Variants in ZBTB38 observed in about 807,000 individuals in gnomAD.
The protein encoded by ZBTB38 is zinc finger and BTB domain-containing protein 38.
ZBTB38 carries 20 observed loss-of-function variants against 76.8 expected under a neutral mutation model. The observed-to-expected ratio is 0.26, with a 90% CI of 0.18 to 0.38. The LOEUF is 0.38. Among genes scored for constraint, ZBTB38 ranks in the 10% least tolerant of loss-of-function variants. The pLI, the probability that ZBTB38 is intolerant of heterozygous loss-of-function variation, is 1.00. For missense variants in ZBTB38, 1,082 were observed against 1,482.3 expected, an observed-to-expected ratio of 0.73 and a Z score of 4.43; for synonymous variants, 504 against 544.2, an observed-to-expected ratio of 0.93 and a Z score of 1.03.
rs909225768 is a variant in ZBTB38, at chr3:141,449,104, A to T, written c.*3128A>T. ...AATTCGACCTCATTATCCTCGTTTT[A>T]TAGTGACTTTGAGAAGGTCTCACAA... On this transcript the variant is annotated 3_prime_UTR_variant, in exon 6 of 6. Coordinates refer to ENST00000321464, the MANE Select transcript of ZBTB38 (RefSeq NM_001376113.1). 1 of 152,238 alleles carries T rather than the reference A, an allele frequency of 6.6e-6. No individual in the cohort carries two copies. Among genetic ancestry groups the T allele is most frequent in the Admixed American group, 6.5e-5 (1 of 15,290 alleles). The allele number at this position is 152,238 out of a possible 1,614,324, so 9.4% of individuals were successfully genotyped here. A position where few individuals can be genotyped will look rare whatever the true frequency, so the allele number is the denominator to read the frequency against.
intron 2 of ZBTB38, among the ~76,000 whole-genome samples, chr3:141,380,877 G>C (rs1266683312): frequency 6.6e-6 from 1 of 152,156 alleles, no homozygotes; most frequent in East Asian, 1.9e-4. Context: ...TGAAATATTT[G>C]TTGCCCAGGG....
In ZBTB38 at chr3:141,371,045, C is replaced by CTTT. The variant is rs754872291; in HGVS notation, c.-235+1123_-235+1125dup. On this transcript the variant is annotated intron_variant, in intron 2 of 5. Coordinates refer to ENST00000321464, the MANE Select transcript of ZBTB38 (RefSeq NM_001376113.1). ...GTTTTTTCTTTTCTTTTCTTTCTTT[C>CTTT]TTTTTTTTTTTTTTTTTTTTTTTTT... is the stretch of plus-strand genomic sequence containing the variant. 5.4e-3 allele frequency among the ~76,000 whole-genome samples: 387 copies of CTTT among 72,004 alleles called. 32 individuals are homozygous for CTTT. Among genetic ancestry groups the CTTT allele is most frequent in the African/African-American group, 0.017 (214 of 12,852 alleles). 47.2% of individuals were successfully genotyped at this position (72,004 alleles called of 152,430 possible). A position where few individuals can be genotyped will look rare whatever the true frequency, so the allele number is the denominator to read the frequency against.
chr3:141,403,855 GTTA>G (rs1297935603), intron 4 of ZBTB38, 69 bp from the exon 5 acceptor site: 13 of 152,340 alleles, frequency 8.5e-5, no homozygotes, highest in East Asian at 3.9e-4. Flanking sequence ...GCTAATTGCA[GTTA>G]TTATTGTTGC....
chr3:141,370,803 G>A (rs1354155167), intron 2 of ZBTB38, among the ~76,000 whole-genome samples: 1 of 152,042 alleles, frequency 6.6e-6, no homozygotes, highest in East Asian at 1.9e-4. Context: ...TCTTCTTCCT[G>A]GATCTAGTCA....
At chr3:141,441,079 C>T (rs1036395363) in intron 5 of ZBTB38, among the ~76,000 whole-genome samples, 1 of 148,620 alleles carries the variant, frequency 6.7e-6, no homozygotes, top group African/African-American at 2.5e-5. Context: ...AAGAAAAATA[C>T]TAGAGCAGAA....
At chr3:141,404,583 A>G (rs944685938) in intron 5 of ZBTB38, among the ~76,000 whole-genome samples, 9 of 152,182 alleles carry the variant, frequency 5.9e-5, no homozygotes, top group African/African-American at 2.2e-4. Flanking sequence ...AGCCATATAC[A>G]AGGTCCCAGA....
At chr3:141,427,138 G>C (rs1309571748) in intron 5 of ZBTB38, among the ~76,000 whole-genome samples, 1 of 152,124 alleles carries the variant, frequency 6.6e-6, no homozygotes, top group Admixed American at 6.5e-5. Context: ...ATAAAGCTTA[G>C]TTTTGGGTGC....
At chr3:141,346,717 C>T (rs2148921814) in intron 1 of ZBTB38, among the ~76,000 whole-genome samples, 1 of 151,954 alleles carries the variant, frequency 6.6e-6, no homozygotes, top group South Asian at 2.1e-4. Flanking sequence ...ATCAGACTTT[C>T]TAGAAAACAC....
chr3:141,364,775 T>C (rs1171547287), upstream of ZBTB38, among the ~76,000 whole-genome samples: 1 of 119,520 alleles, frequency 8.4e-6, no homozygotes, highest in Non-Finnish European at 1.7e-5. Context: ...AAGTGACCAA[T>C]AAGCTCCTGA....
chr3:141,395,166 G>T (rs1950047387), intron 4 of ZBTB38, among the ~76,000 whole-genome samples: 1 of 152,216 alleles, frequency 6.6e-6, no homozygotes, highest in African/African-American at 2.4e-5. Flanking sequence ...AAATAGGAAG[G>T]TATTCTGTTG....
At chr3:141,357,327 G>A (rs1031291419) in intron 1 of ZBTB38, among the ~76,000 whole-genome samples, 4 of 151,926 alleles carry the variant, frequency 2.6e-5, no homozygotes, top group African/African-American at 7.3e-5. Context: ...CTCAAAGTAT[G>A]TCATTTGTCT....
At chr3:141,379,786 A>G (rs1336011640) in intron 2 of ZBTB38, among the ~76,000 whole-genome samples, 1 of 152,226 alleles carries the variant, frequency 6.6e-6, no homozygotes, top group Non-Finnish European at 1.5e-5. Context: ...TAGTCAATTG[A>G]CTTAATATAG....
chr3:141,428,673 A>G (rs912008182), intron 5 of ZBTB38, among the ~76,000 whole-genome samples: 9 of 152,058 alleles, frequency 5.9e-5, no homozygotes, highest in Non-Finnish European at 1.3e-4. Context: ...ACGGGGTTTC[A>G]CCATGTTGGT....
At chr3:141,431,340 A>AT (rs1377647755) in intron 5 of ZBTB38, among the ~76,000 whole-genome samples, 2,254 of 86,542 alleles carry the variant, frequency 0.026, 104 homozygotes, top group African/African-American at 0.079. Flanking sequence ...AAAAAAAAAA[A>AT]AATATATATA....
chr3:141,324,403 G>C (rs111752100), exon 1 of ZBTB38: 8 of 152,178 alleles, frequency 5.3e-5, no homozygotes, highest in African/African-American at 1.9e-4. Context: ...GGGAAAAGAG[G>C]AACTGTTGAT....
chr3:141,408,964 A>G (rs927236517), intron 5 of ZBTB38, among the ~76,000 whole-genome samples: 1 of 152,186 alleles, frequency 6.6e-6, no homozygotes, highest in Non-Finnish European at 1.5e-5. Flanking sequence ...ATCTTTTAGA[A>G]CCTCAGACAA....
At chr3:141,439,186 C>T (rs1231915239) in intron 5 of ZBTB38, among the ~76,000 whole-genome samples, 2 of 152,178 alleles carry the variant, frequency 1.3e-5, no homozygotes, top group Non-Finnish European at 2.9e-5. Context: ...TCCTTGAGAG[C>T]AGAGACTTGC....
chr3:141,335,728 T>C (rs1942998422), intron 1 of ZBTB38, among the ~76,000 whole-genome samples: 1 of 152,248 alleles, frequency 6.6e-6, no homozygotes, highest in Non-Finnish European at 1.5e-5. Flanking sequence ...CATGACATGT[T>C]GGTCCCACCA....
At chr3:141,340,622 G>A (rs1281459862) in intron 1 of ZBTB38, among the ~76,000 whole-genome samples, 1 of 152,170 alleles carries the variant, frequency 6.6e-6, no homozygotes, top group Non-Finnish European at 1.5e-5. Flanking sequence ...GGTTGGCCGG[G>A]CGTGGTGGCT....
Sources: allele counts gnomAD v4.1 joint callset (sites outside exome capture counted in the v4.1 genomes callset), GRCh38; gene constraint gnomAD v4.1.1; transcripts MANE v1.5; gene names NCBI Gene and HGNC (gene_info 2026-07-23, HGNC 2026-07-21).